The following CNTN5 variants were observed in gnomAD, a reference collection of about 807,000 sequenced individuals.
The protein encoded by CNTN5 is contactin-5.
CNTN5 carries 77 observed loss-of-function variants against 129.1 expected under a neutral mutation model. The observed-to-expected ratio is 0.60, with a 90% CI of 0.50 to 0.72. CNTN5 has a LOEUF of 0.72. CNTN5 is among the 30% of genes least tolerant of loss of function. The probability of loss-of-function intolerance (pLI) is 0.00; values close to 1 mark genes in which losing one functional copy is unlikely to be tolerated. For missense variants in CNTN5, 1,478 were observed against 1,328.8 expected (o/e 1.11, Z -1.75); for synonymous variants, 509 against 465.6 (o/e 1.09, Z -1.20).
chr11:100,085,753 C>T (rs1178258167), intron 13 of CNTN5, among the ~76,000 whole-genome samples: 2 of 151,982 alleles, frequency 1.3e-5, no homozygotes, highest in Admixed American at 6.6e-5. Context: ...CACACACACT[C>T]GTAACAAGTA....
At chr11:99,786,475 A>T (rs2135413551) in intron 3 of CNTN5, among the ~76,000 whole-genome samples, 1 of 152,316 alleles carries the variant, frequency 6.6e-6, no homozygotes, top group African/African-American at 2.4e-5. Flanking sequence ...GCTACCATGT[A>T]CTTTCTTCAC....
chr11:99,711,408 A>T (rs1173040903), intron 3 of CNTN5, among the ~76,000 whole-genome samples: 1 of 151,898 alleles, frequency 6.6e-6, no homozygotes, highest in Non-Finnish European at 1.5e-5. Flanking sequence ...AAGTATAATA[A>T]AATAATATTA....
intron 3 of CNTN5, among the ~76,000 whole-genome samples, chr11:99,612,150 A>G (rs941258382): frequency 5.3e-5 from 8 of 152,226 alleles, no homozygotes; most frequent in Admixed American, 1.3e-4. Flanking sequence ...TATTTAGACC[A>G]TCCCTACGAG....
intron 3 of CNTN5, among the ~76,000 whole-genome samples, chr11:99,817,784 T>A (rs1216766075): frequency 6.6e-6 from 1 of 152,074 alleles, no homozygotes; most frequent in African/African-American, 2.4e-5. Context: ...TAATTCCATG[T>A]TTTAAAGGAG....
intron 2 of CNTN5, among the ~76,000 whole-genome samples, chr11:99,530,510 G>T (rs1947658798): frequency 6.6e-6 from 1 of 152,166 alleles, no homozygotes; most frequent in Admixed American, 6.5e-5. Context: ...CCACAGCCCT[G>T]AACCTCATGG....
chr11:99,069,288 A>C (rs1043498155), intron 1 of CNTN5, among the ~76,000 whole-genome samples: 3 of 152,124 alleles, frequency 2.0e-5, no homozygotes, highest in African/African-American at 7.2e-5. Context: ...GAAATGAACC[A>C]GGCCAGGCGA....
chr11:100,340,727 C>A, intron 22 of CNTN5, 78 bp downstream of exon 22: 1 of 1,255,026 alleles, frequency 8.0e-7, no homozygotes, highest in Admixed American at 2.8e-5. Flanking sequence ...ACGTGAGGTG[C>A]ATAATAAGCA....
intron 3 of CNTN5, among the ~76,000 whole-genome samples, chr11:99,629,402 T>A (rs1951253747): frequency 6.6e-6 from 1 of 151,978 alleles, no homozygotes; most frequent in Non-Finnish European, 1.5e-5. Flanking sequence ...TTGTTTGAGG[T>A]CTTTACTCTT....
intron 1 of CNTN5, among the ~76,000 whole-genome samples, chr11:99,229,362 C>T (rs1165846416): frequency 6.6e-6 from 1 of 151,946 alleles, no homozygotes; most frequent in South Asian, 2.1e-4. Flanking sequence ...CTTTTCTAAG[C>T]TATACAGGTG....
intron 21 of CNTN5, among the ~76,000 whole-genome samples, chr11:100,310,100 T>A (rs1184376103): frequency 2.6e-5 from 4 of 151,884 alleles, no homozygotes; most frequent in Admixed American, 2.6e-4. Flanking sequence ...ATCCTCACAG[T>A]AAATAATATG....
intron 17 of CNTN5, among the ~76,000 whole-genome samples, chr11:100,270,592 G>T (rs534324861): frequency 1.3e-5 from 2 of 152,278 alleles, no homozygotes; most frequent in South Asian, 4.1e-4. Flanking sequence ...TGTAAAGGTA[G>T]TACAAAAATC....
chr11:99,814,556 C>T (rs967073825), intron 3 of CNTN5, among the ~76,000 whole-genome samples: 2 of 151,352 alleles, frequency 1.3e-5, no homozygotes, highest in Non-Finnish European at 2.9e-5. Flanking sequence ...CTTAAATTAG[C>T]AGGGGAGAGA....
intron 1 of CNTN5, among the ~76,000 whole-genome samples, chr11:99,227,601 A>C (rs1275435608): frequency 6.6e-6 from 1 of 152,184 alleles, no homozygotes; most frequent in Non-Finnish European, 1.5e-5. Context: ...CTTTGTTTTA[A>C]AAATTCTTTA....
chr11:100,306,824 G>A (rs957550589), intron 20 of CNTN5, among the ~76,000 whole-genome samples: 6 of 151,476 alleles, frequency 4.0e-5, no homozygotes, highest in South Asian at 2.1e-4. Flanking sequence ...GGGAAACCAC[G>A]GAGCAAAAGA....
intron 3 of CNTN5, among the ~76,000 whole-genome samples, chr11:99,678,872 G>T (rs1392407854): frequency 6.6e-6 from 1 of 151,436 alleles, no homozygotes; most frequent in African/African-American, 2.4e-5. Context: ...ACAACCAAGA[G>T]AAATTAAGAT....
intron 1 of CNTN5, among the ~76,000 whole-genome samples, chr11:99,135,248 CA>C (rs148087093): frequency 0.021 from 3,147 of 152,096 alleles, 126 homozygotes; most frequent in African/African-American, 0.072. Flanking sequence ...TAAAGTCAAG[CA>C]AACATATAAA....
chr11:99,344,224 T>C (rs1866651178), intron 2 of CNTN5, among the ~76,000 whole-genome samples: 1 of 152,188 alleles, frequency 6.6e-6, no homozygotes, highest in Non-Finnish European at 1.5e-5. Context: ...AACTTGCTGA[T>C]AAGTAAAATT....
At chr11:100,256,460 T>C (rs1950072723) in intron 17 of CNTN5, among the ~76,000 whole-genome samples, 3 of 152,190 alleles carry the variant, frequency 2.0e-5, no homozygotes, top group Admixed American at 2.0e-4. Flanking sequence ...GCTACTCCTT[T>C]CTAGTCATAC....
intron 3 of CNTN5, among the ~76,000 whole-genome samples, chr11:99,803,155 G>T (rs1293816806): frequency 6.6e-6 from 1 of 152,164 alleles, no homozygotes. Context: ...GTTGACCCAG[G>T]TGAGCAGCTG....
Sources: gnomAD v4.1 joint callset for allele counts (sites outside exome capture counted in the v4.1 genomes callset) on GRCh38, gnomAD v4.1.1 for gene constraint, MANE v1.5 for transcripts, NCBI Gene and HGNC (gene_info 2026-07-23, HGNC 2026-07-21) for gene names.